Variants in DNER observed in about 807,000 individuals in gnomAD.
DNER encodes delta and Notch-like epidermal growth factor-related receptor.
Under a neutral mutation model 78.2 loss-of-function variants are expected in DNER, and 33 were observed. That is an observed-to-expected ratio of 0.42 (90% CI 0.32 to 0.56). The LOEUF (loss-of-function observed/expected upper bound fraction) is 0.56. Among genes scored for constraint, DNER ranks in the 20% least tolerant of loss-of-function variants. DNER has a pLI of 0.11. For synonymous variants in DNER, 417 were observed against 384.8 expected (o/e 1.08, Z -0.98); for missense variants, 918 against 975.3 (o/e 0.94, Z 0.78).
At chr2:229,574,599 A>G (rs576573194) in intron 4 of DNER, among the ~76,000 whole-genome samples, 40 of 152,300 alleles carry the variant, frequency 2.6e-4, no homozygotes, top group African/African-American at 9.4e-4. Context: ...ACTGGTTGTC[A>G]GTAGAGGGGC....
chr2:229,634,736 G>A (rs975856747), intron 1 of DNER, among the ~76,000 whole-genome samples: 4 of 152,052 alleles, frequency 2.6e-5, no homozygotes, highest in Admixed American at 1.3e-4. Flanking sequence ...CAAGGCTGCC[G>A]GCCCAAAGGA....
At chr2:229,518,355 G>C (rs771995736) in intron 5 of DNER, among the ~76,000 whole-genome samples, 1 of 152,196 alleles carries the variant, frequency 6.6e-6, no homozygotes, top group Non-Finnish European at 1.5e-5. Flanking sequence ...GGTGAAGGTC[G>C]AAAGGACACA....
At chr2:229,584,040 G>C (rs1192901855) in intron 4 of DNER, among the ~76,000 whole-genome samples, 1 of 152,144 alleles carries the variant, frequency 6.6e-6, no homozygotes, top group Admixed American at 6.5e-5. Flanking sequence ...ATAAATTATA[G>C]AGACCTGAGC....
chr2:229,633,138 G>A (rs932558535), intron 1 of DNER, among the ~76,000 whole-genome samples: 4 of 152,154 alleles, frequency 2.6e-5, no homozygotes, highest in African/African-American at 9.7e-5. Flanking sequence ...GTTCAAAGCT[G>A]AATGTCAAAA....
chr2:229,594,833 A>G (rs1016971513), intron 1 of DNER, among the ~76,000 whole-genome samples: 19 of 152,146 alleles, frequency 1.2e-4, no homozygotes, highest in African/African-American at 4.3e-4. Flanking sequence ...ATGTAGGCCA[A>G]TTAAGACTGC....
At chr2:229,408,362 C>T (rs1045680742) in intron 9 of DNER, among the ~76,000 whole-genome samples, 7 of 152,092 alleles carry the variant, frequency 4.6e-5, no homozygotes, top group African/African-American at 1.7e-4. Flanking sequence ...GCTGATGTTA[C>T]ACTGGATGCC....
intron 1 of DNER, among the ~76,000 whole-genome samples, chr2:229,686,642 C>G (rs564276305): frequency 8.9e-4 from 135 of 152,282 alleles, no homozygotes; most frequent in Middle Eastern, 3.4e-3. Flanking sequence ...TGCTGCTCCT[C>G]CATGAGCTGA....
At chr2:229,359,611 A>G (rs962258051) in intron 12 of DNER, among the ~76,000 whole-genome samples, 1 of 152,022 alleles carries the variant, frequency 6.6e-6, no homozygotes, top group Non-Finnish European at 1.5e-5. Flanking sequence ...TAAATTTTAC[A>G]AGGTTCCTAG....
At chr2:229,440,742 T>A (rs1322596424) in intron 8 of DNER, among the ~76,000 whole-genome samples, 3 of 152,218 alleles carry the variant, frequency 2.0e-5, no homozygotes, top group African/African-American at 7.2e-5. Context: ...CGTATGCACA[T>A]TTCCCATTTC....
intron 1 of DNER, among the ~76,000 whole-genome samples, chr2:229,666,879 G>A (rs986702558): frequency 2.0e-5 from 3 of 152,284 alleles, no homozygotes; most frequent in Admixed American, 2.0e-4. Context: ...TGGACTTCTG[G>A]CTGGAGTGAT....
chr2:229,649,067 G>A (rs183664741), intron 1 of DNER, among the ~76,000 whole-genome samples: 2 of 152,330 alleles, frequency 1.3e-5, no homozygotes, highest in Admixed American at 6.5e-5. Context: ...GACCCTTGTA[G>A]TTCTTTCCAG....
At chr2:229,470,817 T>A (rs1371629165) in intron 7 of DNER, among the ~76,000 whole-genome samples, 1 of 152,138 alleles carries the variant, frequency 6.6e-6, no homozygotes, top group African/African-American at 2.4e-5. Context: ...GCCATTGGAC[T>A]CCAGCCTGGG....
intron 10 of DNER, among the ~76,000 whole-genome samples, chr2:229,393,170 G>C (rs1693053844): frequency 6.6e-6 from 1 of 152,210 alleles, no homozygotes; most frequent in Non-Finnish European, 1.5e-5. Flanking sequence ...ACTCACACCT[G>C]TAATCCCAGC....
intron 4 of DNER, among the ~76,000 whole-genome samples, chr2:229,559,971 A>G (rs149447278): frequency 7.0e-4 from 107 of 152,312 alleles, no homozygotes; most frequent in African/African-American, 2.4e-3. Context: ...TGGCCCTTTT[A>G]AAACCAAGAC....
intron 10 of DNER, among the ~76,000 whole-genome samples, chr2:229,406,180 C>T (rs977501150): frequency 1.3e-5 from 2 of 152,160 alleles, no homozygotes; most frequent in African/African-American, 4.8e-5. Context: ...TTCTCCGGGG[C>T]TTGGGAGGTG....
chr2:229,482,406 G>A (rs960661552), intron 6 of DNER, among the ~76,000 whole-genome samples: 19 of 152,102 alleles, frequency 1.2e-4, no homozygotes, highest in African/African-American at 4.6e-4. Context: ...ACCCTCCAAT[G>A]GCTTCCCAAA....
At chr2:229,373,479 A>T (rs1232423554) in intron 11 of DNER, among the ~76,000 whole-genome samples, 1 of 152,214 alleles carries the variant, frequency 6.6e-6, no homozygotes, top group Non-Finnish European at 1.5e-5. Flanking sequence ...AAAAGGGAAC[A>T]CGGTGTTGGT....
At chr2:229,391,496 G>A (rs961294195) in intron 10 of DNER, among the ~76,000 whole-genome samples, 1 of 151,944 alleles carries the variant, frequency 6.6e-6, no homozygotes. Flanking sequence ...CTTGACTAAG[G>A]CTAGCAATCA....
chr2:229,387,449 CAT>C (rs1461994665), intron 11 of DNER, among the ~76,000 whole-genome samples: 1 of 146,902 alleles, frequency 6.8e-6, no homozygotes, highest in Non-Finnish European at 1.5e-5. Flanking sequence ...ACGTTCTGCA[CAT>C]GTGTCCCAGA....
Sources: allele counts gnomAD v4.1 joint callset (sites outside exome capture counted in the v4.1 genomes callset), GRCh38; gene constraint gnomAD v4.1.1; transcripts MANE v1.5; gene names NCBI Gene and HGNC (gene_info 2026-07-23, HGNC 2026-07-21).